The following GPHN variants were observed in gnomAD, a reference collection of about 807,000 sequenced individuals.
GPHN encodes the protein gephyrin.
In GPHN, 17 loss-of-function variants were observed where a neutral mutation model predicts 95.5. The observed-to-expected ratio is 0.18, with a 90% CI of 0.12 to 0.27. The LOEUF is 0.27. Ranked by LOEUF, GPHN falls within the 10% of genes least tolerant of loss-of-function variation. The pLI is 1.00. For missense variants in GPHN, 660 were observed against 978.1 expected (o/e 0.67, Z 4.34); for synonymous variants, 320 against 322.5 (o/e 0.99, Z 0.08).
chr14:67,163,488 A>T (rs1302517207), intron 19 of GPHN, among the ~76,000 whole-genome samples: 1 of 152,166 alleles, frequency 6.6e-6, no homozygotes, highest in Non-Finnish European at 1.5e-5. Flanking sequence ...GAAGGAATAA[A>T]AAAACAGAAA....
chr14:66,889,222 C>T (rs2064348436), intron 5 of GPHN, among the ~76,000 whole-genome samples: 1 of 151,914 alleles, frequency 6.6e-6, no homozygotes, highest in African/African-American at 2.4e-5. Flanking sequence ...AATGTAAGAA[C>T]TTAAACAACA....
the GPHN span, among the ~76,000 whole-genome samples, chr14:67,499,259 C>T: frequency 6.6e-6 from 1 of 152,150 alleles, no homozygotes; most frequent in Non-Finnish European, 1.5e-5. Context: ...CTGCCTCGAC[C>T]TCCCAAGGCA....
At chr14:66,866,461 T>C (rs2153524500) in intron 4 of GPHN, among the ~76,000 whole-genome samples, 1 of 152,288 alleles carries the variant, frequency 6.6e-6, no homozygotes, top group Non-Finnish European at 1.5e-5. Context: ...AAATCTCTTA[T>C]AAAAAGTGAT....
At chr14:67,541,965 G>A in the GPHN span, 2 of 1,607,344 alleles carry the variant, frequency 1.2e-6, no homozygotes, top group Non-Finnish European at 8.5e-7. Context: ...CTACAGGCCA[G>A]CAAGATAAGG....
the GPHN span, among the ~76,000 whole-genome samples, chr14:67,305,913 C>T: frequency 6.6e-6 from 1 of 152,152 alleles, no homozygotes; most frequent in Non-Finnish European, 1.5e-5. Context: ...AATGAAGTAG[C>T]TTAAAAAGGA....
chr14:66,752,332 T>A (rs1356235781), intron 2 of GPHN, among the ~76,000 whole-genome samples: 1 of 152,196 alleles, frequency 6.6e-6, no homozygotes, highest in Non-Finnish European at 1.5e-5. Flanking sequence ...AAGAGAAGGT[T>A]ATCTCAGCTT....
the GPHN span, among the ~76,000 whole-genome samples, chr14:67,549,566 C>T: frequency 6.6e-6 from 1 of 152,112 alleles, no homozygotes; most frequent in South Asian, 2.1e-4. Flanking sequence ...CCACTGCTCC[C>T]GGCCTTAAAT....
At chr14:67,491,874 G>T in the GPHN span, among the ~76,000 whole-genome samples, 3 of 152,206 alleles carry the variant, frequency 2.0e-5, no homozygotes, top group African/African-American at 7.2e-5. Flanking sequence ...CCCCCAGGAA[G>T]CAAGGAGAGG....
intron 4 of GPHN, among the ~76,000 whole-genome samples, chr14:66,846,365 G>A (rs1441261027): frequency 6.6e-6 from 1 of 152,120 alleles, no homozygotes; most frequent in Non-Finnish European, 1.5e-5. Context: ...GTAATCTGTA[G>A]TCTGCTAGGA....
the GPHN span, among the ~76,000 whole-genome samples, chr14:67,717,279 C>G: frequency 6.6e-6 from 1 of 152,152 alleles, no homozygotes; most frequent in Non-Finnish European, 1.5e-5. Flanking sequence ...CTCAGAAAGC[C>G]ACTCAGTGGA....
chr14:67,506,515 A>G, the GPHN span, among the ~76,000 whole-genome samples: 1 of 152,180 alleles, frequency 6.6e-6, no homozygotes, highest in Non-Finnish European at 1.5e-5. Context: ...CCCCAGTAGC[A>G]TGGTACCCCC....
chr14:67,575,801 C>T, the GPHN span: 2 of 1,597,620 alleles, frequency 1.3e-6, no homozygotes, highest in African/African-American at 1.3e-5. Context: ...CTCTCCCATT[C>T]ATGGAAGACT....
chr14:67,046,793 T>G (rs1055674207), intron 10 of GPHN, among the ~76,000 whole-genome samples: 5 of 152,356 alleles, frequency 3.3e-5, no homozygotes, highest in Non-Finnish European at 5.9e-5. Context: ...CAAAGTGCCC[T>G]GTAGTCCTGA....
intron 5 of GPHN, among the ~76,000 whole-genome samples, chr14:66,888,897 CA>C (rs1225315042): frequency 6.6e-6 from 1 of 152,012 alleles, no homozygotes; most frequent in African/African-American, 2.4e-5. Flanking sequence ...AAAAGATAGT[CA>C]GGCAAATAGT....
chr14:67,117,983 A>G (rs1306139605), intron 16 of GPHN, among the ~76,000 whole-genome samples: 1 of 152,186 alleles, frequency 6.6e-6, no homozygotes, highest in Non-Finnish European at 1.5e-5. Flanking sequence ...TCCTAATACA[A>G]AGACCACCAG....
chr14:66,879,284 C>T (rs1021902791), intron 4 of GPHN, among the ~76,000 whole-genome samples: 2 of 151,136 alleles, frequency 1.3e-5, no homozygotes, highest in African/African-American at 4.9e-5. Flanking sequence ...AGCAAACCAC[C>T]ATGCCATGTG....
the GPHN span, among the ~76,000 whole-genome samples, chr14:67,612,705 G>A: frequency 6.6e-6 from 1 of 152,334 alleles, no homozygotes; most frequent in South Asian, 2.1e-4. Flanking sequence ...GGGAGGCCAA[G>A]GTGGGCAGAT....
chr14:66,716,365 C>A (rs929418547), intron 2 of GPHN, among the ~76,000 whole-genome samples: 1 of 152,096 alleles, frequency 6.6e-6, no homozygotes, highest in African/African-American at 2.4e-5. Context: ...TGCCCTTTTC[C>A]AACCTTTTAC....
At chr14:66,842,244 T>C (rs1280244632) in intron 4 of GPHN, among the ~76,000 whole-genome samples, 2 of 152,176 alleles carry the variant, frequency 1.3e-5, no homozygotes, top group East Asian at 1.9e-4. Context: ...TGTTGATTGA[T>C]ATTACTGCCC....
Sources: gnomAD v4.1 joint callset for allele counts (sites outside exome capture counted in the v4.1 genomes callset) on GRCh38, gnomAD v4.1.1 for gene constraint, MANE v1.5 for transcripts, NCBI Gene and HGNC (gene_info 2026-07-23, HGNC 2026-07-21) for gene names.